LMCD1: variants seen among roughly 807,000 people sequenced by gnomAD.
The protein encoded by LMCD1 is LIM and cysteine rich domains 1.
LMCD1 carries 32 observed loss-of-function variants against 42.7 expected under a neutral mutation model. The ratio of observed to expected loss-of-function variants is 0.75; its 90% CI spans 0.57 to 1.01. LMCD1 has a LOEUF of 1.01. Among genes scored for constraint, LMCD1 ranks in the 50% least tolerant of loss-of-function variants. The pLI is 0.00. For missense variants in LMCD1, 458 were observed against 483.1 expected (o/e 0.95, Z 0.49); for synonymous variants, 178 against 184.9 (o/e 0.96, Z 0.30).
At chr3:8,542,058 G>C (rs1013433084) in intron 3 of LMCD1, among the ~76,000 whole-genome samples, 1 of 143,164 alleles carries the variant, frequency 7.0e-6, no homozygotes, top group Non-Finnish European at 1.5e-5. Flanking sequence ...GCAGTGGCAG[G>C]ATCTGATCTC....
chr3:8,527,464 A>G (rs918685536), intron 1 of LMCD1, among the ~76,000 whole-genome samples: 8 of 152,188 alleles, frequency 5.3e-5, no homozygotes, highest in Non-Finnish European at 1.2e-4. Context: ...ACTGAGTAAA[A>G]TTCATGGCAG....
chr3:8,534,482 C>T (rs1694475734), intron 2 of LMCD1, among the ~76,000 whole-genome samples: 1 of 152,322 alleles, frequency 6.6e-6, no homozygotes, highest in East Asian at 1.9e-4. Flanking sequence ...GCAGGTCCTG[C>T]ATATCAAGTG....
At chr3:8,545,902 G>A (rs1263878848) in intron 3 of LMCD1, among the ~76,000 whole-genome samples, 10 of 152,278 alleles carry the variant, frequency 6.6e-5, no homozygotes, top group South Asian at 2.1e-4. Context: ...TTGGGAGGCC[G>A]AGGTTGGTGG....
chr3:8,539,357 T>C (rs924732187), intron 3 of LMCD1, among the ~76,000 whole-genome samples: 2 of 152,316 alleles, frequency 1.3e-5, no homozygotes, highest in East Asian at 3.9e-4. Context: ...GCCGAGTTGT[T>C]TTACATGTAA....
At chr3:8,532,926 T>C (rs1694439800) in intron 2 of LMCD1, 101 bp downstream of exon 2, 3 of 956,646 alleles carry the variant, frequency 3.1e-6, no homozygotes, top group Non-Finnish European at 3.3e-6. Context: ...TTTGGTTGTA[T>C]GCGTTGTCAG....
In LMCD1 at chr3:8,573,444, A is replaced by G. The variant is rs909423950; in HGVS notation, c.*5846A>G. The G allele has an allele frequency of 2.0e-5, 3 of 152,216 alleles. No individual in the cohort carries two copies. The highest frequency in any genetic ancestry group is 6.5e-5 in the Admixed American group (1 of 15,284). 9.4% of individuals were successfully genotyped at this position (152,216 alleles called of 1,614,324 possible). ...ATCAAGCCTGTCCCATGGAGACACA[A>G]GCAATAGTGACATGAGCACTTGACT... On this transcript the variant is annotated 3_prime_UTR_variant, in exon 6 of 6. Coordinates refer to ENST00000157600, the MANE Select transcript of LMCD1 (RefSeq NM_014583.4).
intron 1 of LMCD1, among the ~76,000 whole-genome samples, chr3:8,511,211 A>G (rs1361430910): frequency 6.6e-6 from 1 of 152,272 alleles, no homozygotes; most frequent in Non-Finnish European, 1.5e-5. Flanking sequence ...AACACAAGGC[A>G]TCCTCACCAT....
chr3:8,528,919 C>T (rs1406853082), intron 1 of LMCD1, among the ~76,000 whole-genome samples: 1 of 152,120 alleles, frequency 6.6e-6, no homozygotes, highest in Non-Finnish European at 1.5e-5. Context: ...ACGATAATAT[C>T]AAATGAACCA....
chr3:8,546,598 G>A (rs1438028244), intron 3 of LMCD1, among the ~76,000 whole-genome samples: 4 of 152,258 alleles, frequency 2.6e-5, no homozygotes, highest in Non-Finnish European at 4.4e-5. Context: ...TGGTAGAAGG[G>A]ACATGGCCTG....
At chr3:8,558,299 G>A (rs1489991890) in intron 4 of LMCD1, among the ~76,000 whole-genome samples, 1 of 152,228 alleles carries the variant, frequency 6.6e-6, no homozygotes, top group Non-Finnish European at 1.5e-5. Context: ...TTGAGCAGCT[G>A]AATCTAAAAT....
rs1229612344 is a variant in LMCD1, at chr3:8,506,595, G to C, written c.42+4615G>C. Among the ~76,000 whole-genome samples the C allele has an allele frequency of 7.2e-5, 11 of 152,172 alleles. No homozygotes were observed. In the East Asian group the frequency reaches 2.1e-3, roughly 29 times the overall value. On this transcript the variant is annotated intron_variant, in intron 1 of 5. Transcript: ENST00000157600. ...GAAGTATTCAATTTGACTTTAGGAA[G>C]GCAAATCGTCCTCTTTTTAGCTTGC...
chr3:8,518,532 C>A (rs949911252), intron 1 of LMCD1, among the ~76,000 whole-genome samples: 2 of 152,184 alleles, frequency 1.3e-5, no homozygotes, highest in Non-Finnish European at 2.9e-5. Context: ...GACAGCATTT[C>A]TTTCCAAGTC....
chr3:8,559,666 A>C (rs1694992860), intron 4 of LMCD1, among the ~76,000 whole-genome samples: 1 of 152,242 alleles, frequency 6.6e-6, no homozygotes, highest in African/African-American at 2.4e-5. Flanking sequence ...GTAGGCTGGC[A>C]TTCTGACTCT....
At chr3:8,560,170 C>T (rs981119491) in intron 4 of LMCD1, among the ~76,000 whole-genome samples, 1 of 120,460 alleles carries the variant, frequency 8.3e-6, no homozygotes, top group Non-Finnish European at 1.8e-5. Context: ...GAGGCCAAGG[C>T]GGGAGGATCC....
chr3:8,502,321 T>A lies in LMCD1; in HGVS notation c.42+341T>A, dbSNP rs779441. 2.3e-3 allele frequency among the ~76,000 whole-genome samples: 59 copies of A among 25,602 alleles called. 2 individuals carry two copies. Among genetic ancestry groups the A allele is most frequent in the Non-Finnish European group, 2.6e-3 (44 of 16,658 alleles). 16.8% of individuals were successfully genotyped at this position (25,602 alleles called of 152,430 possible). A position where few individuals can be genotyped will look rare whatever the true frequency, so the allele number is the denominator to read the frequency against. Reference sequence around the variant, plus strand: ...TTATATATAATATATAAAATATATATTATATATAATATATATTATATATAA... The same window carrying A: ...TTATATATAATATATAAAATATATAATATATATAATATATATTATATATAA... On this transcript the variant is annotated intron_variant, in intron 1 of 5. Transcript: ENST00000157600.
chr3:8,545,684 G>T (rs1165682439), intron 3 of LMCD1, among the ~76,000 whole-genome samples: 3 of 152,214 alleles, frequency 2.0e-5, no homozygotes, highest in Non-Finnish European at 4.4e-5. Context: ...CCTACTGGAT[G>T]GAGATCTTGA....
intron 4 of LMCD1, among the ~76,000 whole-genome samples, chr3:8,562,041 T>C (rs1231761069): frequency 1.3e-5 from 2 of 152,212 alleles, no homozygotes; most frequent in African/African-American, 4.8e-5. Context: ...CAACTTTCAC[T>C]GCTCCTGGGA....
chr3:8,506,321 A>T (rs925062097), intron 1 of LMCD1, among the ~76,000 whole-genome samples: 3 of 152,192 alleles, frequency 2.0e-5, no homozygotes, highest in East Asian at 1.9e-4. Flanking sequence ...TGACTTTGGC[A>T]TTCCCCTCTG....
At chr3:8,517,296 C>T (rs1329018602) in intron 1 of LMCD1, among the ~76,000 whole-genome samples, 2 of 152,174 alleles carry the variant, frequency 1.3e-5, no homozygotes, top group Non-Finnish European at 2.9e-5. Flanking sequence ...AATTACCCCC[C>T]AAGTTGTGTG....
Sources: allele counts gnomAD v4.1 joint callset (sites outside exome capture counted in the v4.1 genomes callset), GRCh38; gene constraint gnomAD v4.1.1; transcripts MANE v1.5; gene names NCBI Gene and HGNC (gene_info 2026-07-23, HGNC 2026-07-21).